Variants in BTD observed in about 807,000 individuals in gnomAD.
BTD encodes biocytinase.
A neutral mutation model predicts 17.7 loss-of-function variants in BTD; 13 were observed. The ratio of observed to expected loss-of-function variants is 0.74; its 90% CI spans 0.48 to 1.17. The LOEUF (loss-of-function observed/expected upper bound fraction) is 1.17, where lower values mean the gene tolerates loss of function less well. Among genes scored for constraint, BTD ranks in the 50% most tolerant of loss-of-function variants. The probability of loss-of-function intolerance (pLI) is 0.00; values close to 1 mark genes in which losing one functional copy is unlikely to be tolerated. For synonymous variants in BTD, 240 were observed against 245.2 expected, an observed-to-expected ratio of 0.98 and a Z score of 0.20; for missense variants, 674 against 650.4, an observed-to-expected ratio of 1.04 and a Z score of -0.39.
At chr3:15,603,960 C>T (rs1302439203) in intron 1 of BTD, among the ~76,000 whole-genome samples, 1 of 152,238 alleles carries the variant, frequency 6.6e-6, no homozygotes, top group Admixed American at 6.5e-5. Context: ...AGGCTACAAC[C>T]CCCTCTCCCA....
intron 3 of BTD, chr3:15,677,399 T>C (rs2067054723): frequency 9.8e-7 from 1 of 1,018,720 alleles, no homozygotes; most frequent in African/African-American, 1.6e-5. Context: ...TCCTGAGTTG[T>C]TCATTTTAGT....
rs1023273112 is a variant in BTD, at chr3:15,648,539, A to G, written c.*3051A>G. 1.3e-5 allele frequency among the ~76,000 whole-genome samples: 2 copies of G among 152,232 alleles called. No homozygotes were observed. The highest frequency in any genetic ancestry group is 1.5e-5 in the Non-Finnish European group (1 of 68,046). ...GTTAGTTCACCCAGTTCTGTGGGGC[A>G]GGAAAGCGGGTCTCTCATGAGGCTA... On this transcript the variant is annotated 3_prime_UTR_variant, in exon 4 of 4. Transcript: ENST00000643237.
intron 1 of BTD, among the ~76,000 whole-genome samples, chr3:15,614,905 C>T (rs2064751097): frequency 6.6e-6 from 1 of 152,130 alleles, no homozygotes; most frequent in Admixed American, 6.6e-5. Flanking sequence ...CCAACAATAT[C>T]TTATTCTTTT....
rs540474725 is a variant in BTD at position 15,648,210 on chromosome 3, C to T, written c.*2722C>T. Among the ~76,000 whole-genome samples the T allele has an allele frequency of 2.6e-5, 4 of 152,298 alleles. No individual in the cohort carries two copies. The highest frequency in any genetic ancestry group is 9.6e-5 in the African/African-American group (4 of 41,558). The stretch of plus-strand genomic sequence containing the variant: ...CTTGATTCTCAATGAAACTCAGAAC[C>T]GCTCAAGTGAAATGACCACTCAAAG... On this transcript the variant is annotated 3_prime_UTR_variant, in exon 4 of 4. Coordinates refer to ENST00000643237, the MANE Select transcript of BTD (RefSeq NM_001370658.1).
chr3:15,664,623 G>A (rs566787527), intron 3 of BTD, among the ~76,000 whole-genome samples: 8 of 152,056 alleles, frequency 5.3e-5, no homozygotes, highest in Admixed American at 2.6e-4. Context: ...GCTAGTTTTC[G>A]GAGGTCATTC....
rs2065819420 is a variant in BTD, at chr3:15,652,414, C to T, written c.*6926C>T. 6.7e-6 allele frequency among the ~76,000 whole-genome samples: 1 copy of T among 149,010 alleles called. No individual in the cohort carries two copies. Among genetic ancestry groups the T allele is most frequent in the Admixed American group, 6.7e-5 (1 of 15,002 alleles). On this transcript the variant is annotated 3_prime_UTR_variant, in exon 4 of 4. Transcript: ENST00000643237. The stretch of plus-strand genomic sequence containing the variant: ...CTGGGGAAAGCCAGTTGCCATCTCC[C>T]AAGGATCCCTATGGACAGACCCATT...
chr3:15,665,577 A>G (rs757780264), intron 3 of BTD, among the ~76,000 whole-genome samples: 5 of 152,232 alleles, frequency 3.3e-5, no homozygotes, highest in Non-Finnish European at 7.3e-5. Context: ...GCTACCAAGC[A>G]TTCCCATGGA....
intron 3 of BTD, among the ~76,000 whole-genome samples, chr3:15,660,399 C>A (rs1334119451): frequency 5.3e-5 from 8 of 152,202 alleles, no homozygotes; most frequent in African/African-American, 1.9e-4. Flanking sequence ...ACCTTTTCCA[C>A]TTCTGATTCG....
rs913318761 is a variant in BTD, at chr3:15,651,632, G to A, written c.*6144G>A. Among the ~76,000 whole-genome samples the A allele has an allele frequency of 1.3e-5, 2 of 152,188 alleles. No homozygotes were observed. The highest frequency in any genetic ancestry group is 6.5e-5 in the Admixed American group (1 of 15,286). ...ATATCCTGTCTCCTCTCTCTTCTCC[G>A]CTCCTGACTCCTGCTGCGGCCTCCC... On this transcript the variant is annotated 3_prime_UTR_variant, in exon 4 of 4. Transcript: ENST00000643237.
At chr3:15,628,580 T>C (rs1420392922) in intron 1 of BTD, among the ~76,000 whole-genome samples, 6 of 152,202 alleles carry the variant, frequency 3.9e-5, no homozygotes, top group Non-Finnish European at 7.3e-5. Context: ...CTGACACTCA[T>C]TGAAACTCAT....
intron 3 of BTD, among the ~76,000 whole-genome samples, chr3:15,673,273 G>A (rs750145240): frequency 1.9e-4 from 29 of 152,160 alleles, no homozygotes; most frequent in East Asian, 5.8e-4. Context: ...TAAGTGCATC[G>A]TTAATAGGCT....
At chr3:15,712,124 CA>C in exon 4 of BTD, 1 of 1,559,122 alleles carries the variant, frequency 6.4e-7, no homozygotes, top group East Asian at 2.4e-5. Context: ...CAAAAGGCTG[CA>C]AAGGTTACAC....
chr3:15,655,896 G>A (rs544072659), downstream of BTD, among the ~76,000 whole-genome samples: 92 of 152,164 alleles, frequency 6.0e-4, no homozygotes, highest in Admixed American at 3.6e-3. Context: ...TCTGCGTCCC[G>A]GGTTCAAGCA....
rs754158925 is a variant in BTD at position 15,644,724 on chromosome 3, G to A, written c.808G>A (p.Val270Ile). The change falls in exon 4 of 4, where the codon GTT (valine) becomes ATT (isoleucine). Residue 270 changes from valine to isoleucine, a missense_variant. Transcript: ENST00000643237. ...AATTGAGATTCAGAAAGCTTTTGCT[G>A]TTGCCTTTGGCATCAACGTTCTGGC... ...AAIEIQKAFA[V>I]AFGINVLAAN... 9.9e-6 allele frequency: 16 copies of A among 1,614,086 alleles called. No homozygotes were observed. The South Asian group carries it at 1.8e-4, about 18-fold the overall frequency.
chr3:15,691,122 TGTC>T (rs2068740485), intron 3 of BTD, among the ~76,000 whole-genome samples: 1 of 151,812 alleles, frequency 6.6e-6, no homozygotes, highest in Non-Finnish European at 1.5e-5. Flanking sequence ...AGACTGAAGT[TGTC>T]TTTTTTTTTT....
Position 15,644,461 on chromosome 3 carries a change from A to G in BTD, c.545A>G (p.Asn182Ser), listed in dbSNP as rs397514376. The G allele has an allele frequency of 6.8e-6, 11 of 1,614,090 alleles. No homozygotes were observed. The East Asian group carries it at 1.1e-4, about 16-fold the overall frequency. The change falls in exon 4 of 4, where the codon AAT (asparagine) becomes AGT (serine). Residue 182 changes from asparagine (N) to serine (S), a missense_variant. Coordinates refer to ENST00000643237, the MANE Select transcript of BTD (RefSeq NM_001370658.1). The stretch of plus-strand genomic sequence containing the variant: ...TTCAACACAAATGTCGTGTTCAGCA[A>G]TAATGGAACCCTTGTTGACCGCTAC... ...YQFNTNVVFS[N>S]NGTLVDRYRK... is the part of the protein sequence containing the mutation.
At chr3:15,679,503 T>C (rs1273705269) in intron 3 of BTD, 1 of 1,613,918 alleles carries the variant, frequency 6.2e-7, no homozygotes, top group Admixed American at 1.7e-5. Flanking sequence ...ACTAAAAGCA[T>C]TTCCTTCCGT....
At chr3:15,671,579 T>G (rs952133411) in intron 3 of BTD, among the ~76,000 whole-genome samples, 1 of 132,760 alleles carries the variant, frequency 7.5e-6, no homozygotes, top group African/African-American at 3.8e-5. Flanking sequence ...AACACTATAG[T>G]TTTTTTTTTG....
At chr3:15,636,691 G>A (rs752680045) in intron 2 of BTD, among the ~76,000 whole-genome samples, 1 of 151,682 alleles carries the variant, frequency 6.6e-6, no homozygotes, top group African/African-American at 2.4e-5. Context: ...CAGGGTGGTC[G>A]GGATGGCCTG....
Sources: allele counts gnomAD v4.1 joint callset (sites outside exome capture counted in the v4.1 genomes callset), GRCh38; gene constraint gnomAD v4.1.1; transcripts MANE v1.5; gene names NCBI Gene and HGNC (gene_info 2026-07-23, HGNC 2026-07-21).